HERPUD2: variants seen among roughly 807,000 people sequenced by gnomAD.
The protein encoded by HERPUD2 is homocysteine-responsive endoplasmic reticulum-resident ubiquitin-like domain member 2 protein.
In HERPUD2, 13 loss-of-function variants were observed where a neutral mutation model predicts 49.9. The observed-to-expected ratio is 0.26, with a 90% CI of 0.17 to 0.41. HERPUD2 has a LOEUF of 0.41. Ranked by LOEUF, HERPUD2 falls within the 10% of genes least tolerant of loss-of-function variation. HERPUD2 has a pLI of 1.00. For synonymous variants in HERPUD2, 172 were observed against 171.4 expected, an observed-to-expected ratio of 1.00 and a Z score of -0.03; for missense variants, 449 against 492.2, an observed-to-expected ratio of 0.91 and a Z score of 0.83.
intron 5 of HERPUD2, among the ~76,000 whole-genome samples, chr7:35,661,359 C>T (rs917136275): frequency 1.8e-4 from 28 of 152,232 alleles, no homozygotes; most frequent in African/African-American, 4.1e-4. Context: ...CTTGGCAATG[C>T]GGGCTCTTTT....
chr7:35,638,302 G>C (rs1045950646), intron 6 of HERPUD2, 48 bp downstream of exon 6: 1 of 1,502,792 alleles, frequency 6.7e-7, no homozygotes, highest in South Asian at 1.3e-5. Context: ...AGAAAATAAA[G>C]CAAATAACAC....
chr7:35,658,424 A>T (rs940977534), intron 5 of HERPUD2, among the ~76,000 whole-genome samples: 2 of 152,154 alleles, frequency 1.3e-5, no homozygotes, highest in African/African-American at 4.8e-5. Context: ...AGTTAGCAAC[A>T]ATGCTGTAAA....
chr7:35,669,339 G>A (rs1424247522), intron 4 of HERPUD2, among the ~76,000 whole-genome samples: 3 of 152,154 alleles, frequency 2.0e-5, no homozygotes, highest in Non-Finnish European at 4.4e-5. Flanking sequence ...TCTTAAAGAA[G>A]CAGTTAACTA....
At chr7:35,644,484 C>A (rs901301598) in intron 5 of HERPUD2, among the ~76,000 whole-genome samples, 2 of 152,122 alleles carry the variant, frequency 1.3e-5, no homozygotes, top group African/African-American at 4.8e-5. Context: ...GAAACATCAA[C>A]CTGCCAGGGG....
chr7:35,665,831 G>C (rs1785526504), intron 5 of HERPUD2, among the ~76,000 whole-genome samples: 1 of 152,182 alleles, frequency 6.6e-6, no homozygotes, highest in Non-Finnish European at 1.5e-5. Flanking sequence ...GCCTAGTTTA[G>C]AGAAATTATT....
intron 2 of HERPUD2, among the ~76,000 whole-genome samples, chr7:35,676,488 C>T (rs991438067): frequency 6.6e-6 from 1 of 152,130 alleles, no homozygotes; most frequent in Non-Finnish European, 1.5e-5. Context: ...CTCTCAGGCA[C>T]AAAATGCCCC....
At chr7:35,646,227 A>AT (rs1206252189) in intron 5 of HERPUD2, among the ~76,000 whole-genome samples, 1 of 152,232 alleles carries the variant, frequency 6.6e-6, no homozygotes, top group African/African-American at 2.4e-5. Flanking sequence ...TTACCAACAC[A>AT]GTAAAAATTT....
At position 35,694,565 on chromosome 7, in the gene HERPUD2, C is replaced by G. The variant is rs575521469; in HGVS notation, c.-235G>C. 233 of 549,896 alleles carry G rather than the reference C, an allele frequency of 4.2e-4. 2 individuals are homozygous for G. Among genetic ancestry groups the G allele is most frequent in the African/African-American group, 4.0e-3 (214 of 53,164 alleles). 34.1% of individuals were successfully genotyped at this position (549,896 alleles called of 1,614,324 possible). On this transcript the variant is annotated 5_prime_UTR_variant, in exon 2 of 9. Coordinates refer to ENST00000311350, the MANE Select transcript of HERPUD2 (RefSeq NM_022373.5). ...GGTGCCCGGCCGTGGAGGCAGCTCT[C>G]CCCGCCAGGTCCGGGCTCCGCCGGG...
chr7:35,640,787 T>C (rs1330159320), intron 5 of HERPUD2, among the ~76,000 whole-genome samples: 9 of 152,108 alleles, frequency 5.9e-5, no homozygotes, highest in Non-Finnish European at 1.5e-5. Flanking sequence ...TTAATATATG[T>C]TAGAGGATGC....
Position 35,633,839 on chromosome 7 carries a change from C to A in HERPUD2, c.1072G>T (p.Asp358Tyr). 1 of 1,613,166 alleles carries A rather than the reference C, an allele frequency of 6.2e-7. No individual in the cohort carries two copies. The highest frequency in any genetic ancestry group is 8.5e-7 in the Non-Finnish European group (1 of 1,179,676). Reference protein sequence around the residue: ...LELEEMERLMDDGLEDESGED... With the variant: ...LELEEMERLMYDGLEDESGED... ...CCACTCTCATCTTCAAGCCCATCATCCATAAGACGCTCCTTTCAAGCAAAA... is the reference window on the plus strand; with the variant it reads ...CCACTCTCATCTTCAAGCCCATCATACATAAGACGCTCCTTTCAAGCAAAA... The change falls in exon 9 of 9, where the codon GAT becomes TAT. Residue 358 changes from aspartate (D) to tyrosine (Y), a missense_variant. Transcript: ENST00000311350.
At chr7:35,646,435 G>A (rs1016410352) in intron 5 of HERPUD2, among the ~76,000 whole-genome samples, 1 of 151,986 alleles carries the variant, frequency 6.6e-6, no homozygotes, top group African/African-American at 2.4e-5. Context: ...GGTGGCACAT[G>A]TCTGAAGTCC....
intron 5 of HERPUD2, among the ~76,000 whole-genome samples, chr7:35,665,813 T>A (rs995130496): frequency 6.6e-6 from 1 of 152,250 alleles, no homozygotes; most frequent in African/African-American, 2.4e-5. Context: ...TTATTAATTT[T>A]CTCAATAGCC....
chr7:35,646,048 A>G (rs1785049613), intron 5 of HERPUD2, among the ~76,000 whole-genome samples: 1 of 152,224 alleles, frequency 6.6e-6, no homozygotes, highest in Admixed American at 6.5e-5. Flanking sequence ...AATGGGCTTT[A>G]TCCATTATTA....
intron 5 of HERPUD2, among the ~76,000 whole-genome samples, chr7:35,651,908 TGGTG>T (rs1785176768): frequency 2.6e-5 from 4 of 152,170 alleles, no homozygotes. Context: ...GAAAATCACC[TGGTG>T]ACCACTGAAC....
chr7:35,688,930 C>T (rs112049141), intron 2 of HERPUD2, among the ~76,000 whole-genome samples: 1 of 151,660 alleles, frequency 6.6e-6, no homozygotes, highest in Admixed American at 6.6e-5. Context: ...TAATTATAAA[C>T]CTTACATCAT....
chr7:35,661,553 G>A (rs1785422710), intron 5 of HERPUD2, among the ~76,000 whole-genome samples: 1 of 152,168 alleles, frequency 6.6e-6, no homozygotes, highest in Admixed American at 6.5e-5. Context: ...ATTTCGCTGA[G>A]CAGTGGTTTG....
intron 2 of HERPUD2, among the ~76,000 whole-genome samples, chr7:35,683,730 T>C (rs1395108486): frequency 1.1e-4 from 16 of 151,252 alleles, no homozygotes; most frequent in Non-Finnish European, 5.9e-5. Context: ...GAAAAAAAAA[T>C]CCCATCAAAA....
intron 5 of HERPUD2, among the ~76,000 whole-genome samples, chr7:35,645,689 T>C (rs1179726990): frequency 6.6e-6 from 1 of 152,222 alleles, no homozygotes; most frequent in African/African-American, 2.4e-5. Flanking sequence ...CACTTAAAGT[T>C]GCAGTTTCCA....
At chr7:35,686,076 T>C (rs2116037390) in intron 2 of HERPUD2, among the ~76,000 whole-genome samples, 1 of 152,356 alleles carries the variant, frequency 6.6e-6, no homozygotes, top group South Asian at 2.1e-4. Context: ...TTTGGTATTG[T>C]AAGCTACAGC....
Sources: allele counts gnomAD v4.1 joint callset (sites outside exome capture counted in the v4.1 genomes callset), GRCh38; gene constraint gnomAD v4.1.1; transcripts MANE v1.5; gene names NCBI Gene and HGNC (gene_info 2026-07-23, HGNC 2026-07-21).